RNF141: variants seen among roughly 807,000 people sequenced by gnomAD.
RNF141 encodes ring finger protein 141.
RNF141 carries 18 observed loss-of-function variants against 27.4 expected under a neutral mutation model. The ratio of observed to expected loss-of-function variants is 0.66; its 90% CI spans 0.45 to 0.97. RNF141 has a LOEUF of 0.97. Among genes scored for constraint, RNF141 ranks in the 50% least tolerant of loss-of-function variants. The pLI, the probability that RNF141 is intolerant of heterozygous loss-of-function variation, is 0.00. For synonymous variants in RNF141, 97 were observed against 96.6 expected, an observed-to-expected ratio of 1.00 and a Z score of -0.02; for missense variants, 230 against 279.4, an observed-to-expected ratio of 0.82 and a Z score of 1.26.
rs541763615 is a variant in RNF141, at chr11:10,524,240, C to T, written c.434+952G>A. Among the ~76,000 whole-genome samples the T allele has an allele frequency of 4.4e-3, 669 of 152,170 alleles. 4 individuals carry two copies. Among genetic ancestry groups the T allele is most frequent in the African/African-American group, 0.015 (626 of 41,506 alleles). ...ACCGTCCTGGCTAACACGGTGAAACCCCGTCTCTACTAAAAATACAAAAAA... is the reference window on the plus strand; with the variant it reads ...ACCGTCCTGGCTAACACGGTGAAACTCCGTCTCTACTAAAAATACAAAAAA... On this transcript the variant is annotated intron_variant, in intron 4 of 5. Coordinates refer to ENST00000265981, the MANE Select transcript of RNF141 (RefSeq NM_016422.4).
At chr11:10,532,606 A>G (rs1399241956) in intron 2 of RNF141, among the ~76,000 whole-genome samples, 4 of 152,070 alleles carry the variant, frequency 2.6e-5, no homozygotes, top group Non-Finnish European at 5.9e-5. Context: ...AATCTTCTTA[A>G]AAGAAACCAT....
Position 10,514,818 on chromosome 11 carries a change from G to C in RNF141, c.*98C>G. On this transcript the variant is annotated 3_prime_UTR_variant, in exon 6 of 6. Coordinates refer to ENST00000265981, the MANE Select transcript of RNF141 (RefSeq NM_016422.4). ...CAAAAATAAAAGAGTGGGGAAAATG[G>C]ATTTTCCTGTGTCTGTGCCAGTGCC... is the stretch of plus-strand genomic sequence containing the variant. The C allele has an allele frequency of 8.7e-7, 1 of 1,147,662 alleles. No homozygotes were observed. 71.1% of individuals were successfully genotyped at this position (1,147,662 alleles called of 1,614,324 possible). A position where few individuals can be genotyped will look rare whatever the true frequency, so the allele number is the denominator to read the frequency against.
At chr11:10,517,612 CA>C (rs1564865237) in intron 5 of RNF141, 1 of 151,804 alleles carries the variant, frequency 6.6e-6, no homozygotes, top group Non-Finnish European at 1.5e-5. Flanking sequence ...ACCTTAAAAA[CA>C]GAGGGAAAAA....
intron 2 of RNF141, chr11:10,532,118 G>A: frequency 6.3e-6 from 2 of 316,424 alleles, no homozygotes; most frequent in Non-Finnish European, 1.2e-5. Flanking sequence ...TATGCTAAAG[G>A]GCAAAACTTC....
In RNF141 at chr11:10,513,753, C is replaced by T. The variant is rs555711341; in HGVS notation, c.*1163G>A. Reference sequence around the variant, plus strand: ...GGAGTGCAGTGGTGTGATCTCGGCTCACTGCAACCTCCACCTCCTGGGTTC... The same window carrying T: ...GGAGTGCAGTGGTGTGATCTCGGCTTACTGCAACCTCCACCTCCTGGGTTC... On this transcript the variant is annotated 3_prime_UTR_variant, in exon 6 of 6. Coordinates refer to ENST00000265981, the MANE Select transcript of RNF141 (RefSeq NM_016422.4). 1 of 149,654 alleles carries T rather than the reference C, an allele frequency of 6.7e-6. No individual in the cohort carries two copies. The highest frequency in any genetic ancestry group is 6.6e-5 in the Admixed American group (1 of 15,068). 9.3% of individuals were successfully genotyped at this position (149,654 alleles called of 1,614,324 possible).
At chr11:10,539,701 A>ATATATATATATATAC (rs10524171) in intron 1 of RNF141, among the ~76,000 whole-genome samples, 1 of 31,476 alleles carries the variant, frequency 3.2e-5, no homozygotes, top group Non-Finnish European at 7.2e-5. Context: ...CATATATATT[A>ATATATATATATATAC]GAGAGAGAAG....
At chr11:10,523,061 G>A (rs1193764796) in intron 4 of RNF141, among the ~76,000 whole-genome samples, 1 of 152,218 alleles carries the variant, frequency 6.6e-6, no homozygotes, top group East Asian at 1.9e-4. Flanking sequence ...GAAAAGGCTT[G>A]CTTTTTTCAG....
chr11:10,519,102 A>G lies in RNF141; in HGVS notation c.474T>C (p.Cys158=), dbSNP rs1227726246. ...GGATGAGGTCAGCCCGCCCATCCAT[A>G]CAGATACAACACTCCTCCTCATCGG... ...QLTDEEECCI[C]MDGRADLILP... Residue 158 remains cysteine, a synonymous_variant, in exon 5 of 6, where the codon TGT becomes TGC. Coordinates refer to ENST00000265981, the MANE Select transcript of RNF141 (RefSeq NM_016422.4). The G allele has an allele frequency of 4.3e-6, 7 of 1,613,936 alleles. No homozygotes were observed. In the African/African-American group the frequency reaches 9.3e-5, roughly 22 times the overall value.
Position 10,514,857 on chromosome 11 carries a change from C to A in RNF141, c.*59G>T. The A allele has an allele frequency of 6.6e-7, 1 of 1,523,750 alleles. No individual in the cohort carries two copies. The highest frequency in any genetic ancestry group is 8.9e-7 in the Non-Finnish European group (1 of 1,128,654). 94.4% of individuals were successfully genotyped at this position (1,523,750 alleles called of 1,614,324 possible). ...TGTGCCAGTGCCACAACCCTACATT[C>A]TTCCCCCATGACCAAATATTTGAGC... On this transcript the variant is annotated 3_prime_UTR_variant, in exon 6 of 6. Transcript: ENST00000265981.
intron 1 of RNF141, among the ~76,000 whole-genome samples, chr11:10,539,495 C>A (rs1850066659): frequency 6.6e-6 from 1 of 151,190 alleles, no homozygotes; most frequent in Admixed American, 6.6e-5. Context: ...CCAAGTACTA[C>A]TGACTGGGTC....
chr11:10,537,958 T>G (rs1309529368), intron 1 of RNF141, among the ~76,000 whole-genome samples: 1 of 152,236 alleles, frequency 6.6e-6, no homozygotes, highest in Non-Finnish European at 1.5e-5. Context: ...TGGGCACTTC[T>G]TACATCTGCT....
intron 4 of RNF141, among the ~76,000 whole-genome samples, chr11:10,519,918 G>A (rs1849874473): frequency 6.6e-6 from 1 of 152,158 alleles, no homozygotes; most frequent in South Asian, 2.1e-4. Flanking sequence ...CACACTGGAA[G>A]AACTGTCTTT....
intron 5 of RNF141, 166 bp downstream of exon 5, chr11:10,518,868 A>C (rs77408036): frequency 2.1e-6 from 1 of 474,570 alleles, no homozygotes; most frequent in Non-Finnish European, 3.7e-6. Flanking sequence ...TAGGTGTAAA[A>C]ACAAAAATAG....
intron 5 of RNF141, chr11:10,516,389 C>G (rs905170595): frequency 1.3e-5 from 2 of 152,206 alleles, no homozygotes. Flanking sequence ...GAAGGTGAGA[C>G]CTATACTTGC....
intron 4 of RNF141, among the ~76,000 whole-genome samples, chr11:10,524,615 A>G (rs1157540963): frequency 6.6e-6 from 1 of 152,206 alleles, no homozygotes; most frequent in African/African-American, 2.4e-5. Context: ...ATGTGCCAAA[A>G]GCATAACAGA....
In RNF141 at chr11:10,528,133, G is replaced by A. The variant is rs184656785; in HGVS notation, c.252+2510C>T. 3.8e-3 allele frequency among the ~76,000 whole-genome samples: 581 copies of A among 152,062 alleles called. 12 individuals carry two copies. Among genetic ancestry groups the A allele is most frequent in the Non-Finnish European group, 3.6e-3 (243 of 67,988 alleles). ...TTATAGTGGATTAAATATTATTTAAGGATAATCATAGCAGATGGCAGAGAG... is the reference window on the plus strand; with the variant it reads ...TTATAGTGGATTAAATATTATTTAAAGATAATCATAGCAGATGGCAGAGAG... On this transcript the variant is annotated intron_variant, in intron 3 of 5. Coordinates refer to ENST00000265981, the MANE Select transcript of RNF141 (RefSeq NM_016422.4).
intron 1 of RNF141, among the ~76,000 whole-genome samples, chr11:10,540,115 T>G (rs1850081682): frequency 6.6e-6 from 1 of 152,136 alleles, no homozygotes; most frequent in African/African-American, 2.4e-5. Flanking sequence ...GTGACTAATT[T>G]AGGATCGTCG....
At chr11:10,539,701 A>ATATATATATATATATATATATAT (rs10524171) in intron 1 of RNF141, among the ~76,000 whole-genome samples, 637 of 31,372 alleles carry the variant, frequency 0.02, 84 homozygotes, top group Non-Finnish European at 0.027. Context: ...CATATATATT[A>ATATATATATATATATATATATAT]GAGAGAGAAG....
At chr11:10,537,825 C>T (rs1180108987) in intron 1 of RNF141, among the ~76,000 whole-genome samples, 2 of 152,182 alleles carry the variant, frequency 1.3e-5, no homozygotes, top group South Asian at 2.1e-4. Context: ...CTTCTTTGAA[C>T]ACATTTCTCT....
Sources: allele counts gnomAD v4.1 joint callset (sites outside exome capture counted in the v4.1 genomes callset), GRCh38; gene constraint gnomAD v4.1.1; transcripts MANE v1.5; gene names NCBI Gene and HGNC (gene_info 2026-07-23, HGNC 2026-07-21).